The following MAP2K4 variants were observed in gnomAD, a reference collection of about 807,000 sequenced individuals.
MAP2K4 encodes dual specificity mitogen-activated protein kinase kinase 4.
In MAP2K4, 4 loss-of-function variants were observed where a neutral mutation model predicts 48.5. The ratio of observed to expected loss-of-function variants is 0.08; its 90% CI spans 0.04 to 0.19. MAP2K4 has a LOEUF of 0.19. MAP2K4 is among the 10% of genes least tolerant of loss of function. The pLI is 1.00. For synonymous variants in MAP2K4, 166 were observed against 173.1 expected (o/e 0.96, Z 0.32); for missense variants, 258 against 493.3 (o/e 0.52, Z 4.52).
intron 1 of MAP2K4, among the ~76,000 whole-genome samples, chr17:12,053,597 T>G (rs1198358489): frequency 6.6e-6 from 1 of 152,130 alleles, no homozygotes; most frequent in Non-Finnish European, 1.5e-5. Flanking sequence ...GTGTACCCTT[T>G]GCACATGTTG....
chr17:12,123,201 G>A (rs533551732), intron 7 of MAP2K4, among the ~76,000 whole-genome samples: 116 of 152,226 alleles, frequency 7.6e-4, no homozygotes, highest in African/African-American at 2.6e-3. Flanking sequence ...TATTTCTCAC[G>A]TATTTGAAAA....
At chr17:12,042,822 C>T (rs527380059) in intron 1 of MAP2K4, among the ~76,000 whole-genome samples, 6 of 151,994 alleles carry the variant, frequency 3.9e-5, no homozygotes, top group Non-Finnish European at 7.4e-5. Flanking sequence ...CCGAGGTGGG[C>T]GGATCATGAG....
intron 4 of MAP2K4, among the ~76,000 whole-genome samples, chr17:12,096,843 T>A (rs757224653): frequency 2.0e-5 from 3 of 152,198 alleles, no homozygotes; most frequent in Non-Finnish European, 2.9e-5. Context: ...AGGTAACTAG[T>A]AACAACACAT....
At chr17:12,125,229 G>A (rs1972817849) in intron 7 of MAP2K4, 65 bp from the exon 8 acceptor site, 8 of 1,182,068 alleles carry the variant, frequency 6.8e-6, no homozygotes, top group Admixed American at 1.7e-5. Context: ...CCCAGCTGTT[G>A]CTTCCATTTG....
chr17:12,103,373 T>C (rs1352844888), intron 4 of MAP2K4, among the ~76,000 whole-genome samples: 1 of 152,036 alleles, frequency 6.6e-6, no homozygotes, highest in Non-Finnish European at 1.5e-5. Flanking sequence ...CTGTATTGCT[T>C]TTCTATTATT....
intron 1 of MAP2K4, among the ~76,000 whole-genome samples, chr17:12,046,878 C>G (rs1404045378): frequency 6.6e-6 from 1 of 151,772 alleles, no homozygotes; most frequent in African/African-American, 2.4e-5. Context: ...GAGTTTTGGG[C>G]TTTTAAGCCT....
intron 2 of MAP2K4, among the ~76,000 whole-genome samples, chr17:12,063,216 G>T (rs1320911275): frequency 1.3e-5 from 2 of 152,104 alleles, no homozygotes; most frequent in Non-Finnish European, 2.9e-5. Context: ...TGATTTCAAG[G>T]TTATCTGTAA....
chr17:12,104,625 A>G lies in MAP2K4; in HGVS notation c.514-3165A>G, dbSNP rs148834893. On this transcript the variant is annotated intron_variant, in intron 4 of 10. Transcript: ENST00000353533. ...TTGGTCTTTCCCTAATTAGTTTAGC[A>G]TAACTCTTTATTATTCAGGATACTG... Among the ~76,000 whole-genome samples the G allele has an allele frequency of 1.8e-4, 27 of 152,194 alleles. No homozygotes were observed. The East Asian group carries it at 5.0e-3, about 28-fold the overall frequency.
At chr17:12,118,803 C>T (rs1972582979) in intron 7 of MAP2K4, among the ~76,000 whole-genome samples, 1 of 152,200 alleles carries the variant, frequency 6.6e-6, no homozygotes, top group South Asian at 2.1e-4. Flanking sequence ...GTTGCCAGCA[C>T]TTGGCCAACA....
At chr17:12,076,799 A>G (rs1402754727) in intron 2 of MAP2K4, among the ~76,000 whole-genome samples, 4 of 152,012 alleles carry the variant, frequency 2.6e-5, no homozygotes, top group Non-Finnish European at 5.9e-5. Context: ...TAGATGTGGA[A>G]TAGTAAGGCA....
At chr17:12,131,496 C>T (rs768301009) in intron 9 of MAP2K4, among the ~76,000 whole-genome samples, 3 of 151,914 alleles carry the variant, frequency 2.0e-5, no homozygotes, top group African/African-American at 4.8e-5. Context: ...CTGCCCGCCT[C>T]GACCTCCCAG....
At chr17:12,064,117 A>G (rs1970540588) in intron 2 of MAP2K4, among the ~76,000 whole-genome samples, 1 of 152,140 alleles carries the variant, frequency 6.6e-6, no homozygotes, top group Non-Finnish European at 1.5e-5. Context: ...ATAATAAACC[A>G]AAACTCAAAA....
At chr17:12,121,875 C>G (rs1445485313) in intron 7 of MAP2K4, among the ~76,000 whole-genome samples, 1 of 152,042 alleles carries the variant, frequency 6.6e-6, no homozygotes, top group African/African-American at 2.4e-5. Context: ...GCAGTTAAAA[C>G]AGTTGCAGAA....
chr17:12,090,528 G>A (rs1012244306), intron 3 of MAP2K4, among the ~76,000 whole-genome samples: 8 of 152,184 alleles, frequency 5.3e-5, no homozygotes, highest in Admixed American at 6.5e-5. Flanking sequence ...ATTTTGCCTC[G>A]TCTGCAACTC....
chr17:12,097,648 TTCAC>T (rs1165362493), intron 4 of MAP2K4, among the ~76,000 whole-genome samples: 2 of 152,242 alleles, frequency 1.3e-5, no homozygotes, highest in Non-Finnish European at 2.9e-5. Context: ...CTTTGTTGTT[TTCAC>T]ATATGTTTTC....
chr17:12,093,418 G>A (rs1393073675), intron 3 of MAP2K4, among the ~76,000 whole-genome samples: 1 of 152,124 alleles, frequency 6.6e-6, no homozygotes, highest in Non-Finnish European at 1.5e-5. Context: ...TATCCTTTCT[G>A]TAGCTACGGT....
At chr17:12,111,436 C>T (rs1416851067) in intron 6 of MAP2K4, among the ~76,000 whole-genome samples, 1 of 151,072 alleles carries the variant, frequency 6.6e-6, no homozygotes, top group Non-Finnish European at 1.5e-5. Context: ...GGTCCCTAAA[C>T]AAAATTCTTT....
chr17:12,061,245 TTGTACCTTTTGGCTCTAGTAAATAATGA>T (rs1379659157), intron 2 of MAP2K4, among the ~76,000 whole-genome samples: 1 of 152,230 alleles, frequency 6.6e-6, no homozygotes, highest in Non-Finnish European at 1.5e-5. Flanking sequence ...TTTGGGTTGT[TTGTACCTTTTGGCTCTAGTAAATAATGA>T]TGCTGTGTTT....
chr17:12,092,981 G>A (rs11870995), intron 3 of MAP2K4, among the ~76,000 whole-genome samples: 15 of 152,230 alleles, frequency 9.9e-5, no homozygotes, highest in Admixed American at 3.3e-4. Context: ...AGCCGAGATC[G>A]CGCCACTGCA....
Sources: allele counts gnomAD v4.1 joint callset (sites outside exome capture counted in the v4.1 genomes callset), GRCh38; gene constraint gnomAD v4.1.1; transcripts MANE v1.5; gene names NCBI Gene and HGNC (gene_info 2026-07-23, HGNC 2026-07-21).